PPP1R1C: variants seen among roughly 807,000 people sequenced by gnomAD.
PPP1R1C encodes protein phosphatase 1 regulatory subunit 1C.
A neutral mutation model predicts 17.4 loss-of-function variants in PPP1R1C; 15 were observed. The observed-to-expected ratio is 0.86, with a 90% CI of 0.58 to 1.33. The LOEUF (loss-of-function observed/expected upper bound fraction) is 1.33, where lower values mean the gene tolerates loss of function less well. Ranked by LOEUF, PPP1R1C falls within the 40% of genes most tolerant of loss-of-function variation. The pLI, the probability that PPP1R1C is intolerant of heterozygous loss-of-function variation, is 0.00. For missense variants in PPP1R1C, 143 were observed against 130.0 expected (o/e 1.10, Z -0.48); for synonymous variants, 35 against 43.1 (o/e 0.81, Z 0.73).
At chr2:182,116,259 A>G (rs1283093628) in intron 4 of PPP1R1C, among the ~76,000 whole-genome samples, 1 of 152,234 alleles carries the variant, frequency 6.6e-6, no homozygotes, top group Non-Finnish European at 1.5e-5. Flanking sequence ...CTGGGACTCC[A>G]AATTAAATTA....
At chr2:182,033,914 T>C (rs1226674521) in intron 2 of PPP1R1C, among the ~76,000 whole-genome samples, 3 of 152,354 alleles carry the variant, frequency 2.0e-5, no homozygotes, top group Admixed American at 2.0e-4. Context: ...TGTATCATTG[T>C]ATTCATGATA....
rs1685709394 is a variant in PPP1R1C at position 181,999,793 on chromosome 2, A to G, written c.142+11894A>G. Reference sequence around the variant, plus strand: ...ATAAGCTAAAAACAAAAAAAAAAAGATAACCAAATAGAAAAAAGTAAATAT... The same window carrying G: ...ATAAGCTAAAAACAAAAAAAAAAAGGTAACCAAATAGAAAAAAGTAAATAT... On this transcript the variant is annotated intron_variant, in intron 2 of 4. Transcript: ENST00000682840. Among the ~76,000 whole-genome samples, 11 of 151,912 alleles carry G rather than the reference A, an allele frequency of 7.2e-5. No individual in the cohort carries two copies. The South Asian group carries it at 2.3e-3, about 32-fold the overall frequency.
In PPP1R1C at chr2:181,976,805, G is replaced by A. The variant is rs1418229164; in HGVS notation, n.157+1541G>A. Among the ~76,000 whole-genome samples, 1 of 152,040 alleles carries A rather than the reference G, an allele frequency of 6.6e-6. No homozygotes were observed. The highest frequency in any genetic ancestry group is 2.4e-5 in the African/African-American group (1 of 41,390). ...ACTGTAAGGTCCCATGTTTGAAGGAGGCTTTCTTTTAACTGTCAAGGTGTT... is the reference window on the plus strand; with the variant it reads ...ACTGTAAGGTCCCATGTTTGAAGGAAGCTTTCTTTTAACTGTCAAGGTGTT... On this transcript the variant is annotated intron_variant and non_coding_transcript_variant, in intron 2 of 5. Coordinates refer to the PPP1R1C transcript ENST00000464264. This position sits in a 1 kb window ranked among gnomAD's most constrained non-coding sequence, Gnocchi z 4.8.
chr2:182,088,095 G>A (rs1688683035), intron 4 of PPP1R1C, among the ~76,000 whole-genome samples: 1 of 151,692 alleles, frequency 6.6e-6, no homozygotes, highest in Admixed American at 6.6e-5. Context: ...TAACTTTCAT[G>A]GAAGTTTCCC....
chr2:182,107,647 A>T (rs79627914), intron 4 of PPP1R1C, among the ~76,000 whole-genome samples: 5,102 of 152,162 alleles, frequency 0.034, 246 homozygotes, highest in Admixed American at 0.13. Context: ...ATGGGCACTT[A>T]GTACTTTCTG....
At position 182,099,982 on chromosome 2, in the gene PPP1R1C, C is replaced by A. The variant is rs568994759; in HGVS notation, c.242-17225C>A. On this transcript the variant is annotated intron_variant, in intron 4 of 4. Transcript: ENST00000682840. ...TTGTCCATAGGGAGACGATTAGAGA[C>A]TTAACAAAAAAAAAGTCCCAAACTT... Among the ~76,000 whole-genome samples the A allele has an allele frequency of 2.1e-3, 275 of 132,882 alleles. 1 individual carries two copies. The highest frequency in any genetic ancestry group is 4.1e-3 in the Non-Finnish European group (233 of 56,450). The allele number at this position is 132,882 out of a possible 152,430, so 87.2% of individuals were successfully genotyped here.
chr2:181,961,983 C>T lies in PPP1R1C; in HGVS notation n.111+7349C>T, dbSNP rs911480936. On this transcript the variant is annotated intron_variant and non_coding_transcript_variant, in intron 1 of 5. Transcript: ENST00000464264. This position sits in a 1 kb window ranked among gnomAD's most constrained non-coding sequence, Gnocchi z 5.8. ...ATGGCCAGCTCTGTCTCATACTTGACTCTAAAGTCATCGGCTGCAAGACAG... is the reference window on the plus strand; with the variant it reads ...ATGGCCAGCTCTGTCTCATACTTGATTCTAAAGTCATCGGCTGCAAGACAG... 1.5e-5 allele frequency: 11 copies of T among 734,310 alleles called. No homozygotes were observed. In the African/African-American group the frequency reaches 1.9e-4, roughly 13 times the overall value. 45.5% of individuals were successfully genotyped at this position (734,310 alleles called of 1,614,324 possible). A position where few individuals can be genotyped will look rare whatever the true frequency, so the allele number is the denominator to read the frequency against.
chr2:181,991,036 A>G (rs1408104227), intron 2 of PPP1R1C, among the ~76,000 whole-genome samples: 1 of 152,224 alleles, frequency 6.6e-6, no homozygotes, highest in Non-Finnish European at 1.5e-5. Context: ...TTATAGAAAC[A>G]TAAGTAATAA....
chr2:181,964,447 C>G (rs1472464404), intron 1 of PPP1R1C, among the ~76,000 whole-genome samples: 1 of 152,146 alleles, frequency 6.6e-6, no homozygotes, highest in East Asian at 1.9e-4. Flanking sequence ...TATATCTGTT[C>G]AATTTACTGA....
chr2:182,047,097 C>A (rs946076021), intron 2 of PPP1R1C, among the ~76,000 whole-genome samples: 1 of 152,184 alleles, frequency 6.6e-6, no homozygotes, highest in African/African-American at 2.4e-5. Context: ...TTCCTGTCAT[C>A]ATCATTCAAA....
At chr2:182,090,674 C>A (rs1688755943) in intron 4 of PPP1R1C, among the ~76,000 whole-genome samples, 1 of 152,106 alleles carries the variant, frequency 6.6e-6, no homozygotes, top group Non-Finnish European at 1.5e-5. Flanking sequence ...CAACGACATT[C>A]CAGCAATTTC....
chr2:182,064,713 T>TTGTTCATAAGAC (rs1687940384), intron 4 of PPP1R1C, among the ~76,000 whole-genome samples: 1 of 152,140 alleles, frequency 6.6e-6, no homozygotes, highest in Non-Finnish European at 1.5e-5. Flanking sequence ...CCATGTTTGC[T>TTGTTCATAAGAC]TGTTCATAAG....
intron 4 of PPP1R1C, among the ~76,000 whole-genome samples, chr2:182,110,290 ATAC>A (rs143228006): frequency 0.24 from 36,817 of 151,888 alleles, 4,981 homozygotes; most frequent in African/African-American, 0.37. Flanking sequence ...AAAATAAATA[ATAC>A]ATTGTTATAT....
intron 4 of PPP1R1C, among the ~76,000 whole-genome samples, chr2:182,102,709 A>C (rs921991713): frequency 6.6e-6 from 1 of 152,230 alleles, no homozygotes; most frequent in African/African-American, 2.4e-5. Context: ...AAATTTTGTA[A>C]CACAAAGATG....
At chr2:181,987,965 A>G in intron 2 of PPP1R1C, 66 bp downstream of exon 2, 1 of 1,333,234 alleles carries the variant, frequency 7.5e-7, no homozygotes, top group Admixed American at 2.1e-5. Flanking sequence ...ACATCAAAGT[A>G]CATGTCGTAC....
chr2:181,962,110 G>T lies in PPP1R1C; in HGVS notation n.111+7476G>T. 1.4e-6 allele frequency: 1 copy of T among 723,088 alleles called. No individual in the cohort carries two copies. Among genetic ancestry groups the T allele is most frequent in the South Asian group, 1.4e-5 (1 of 73,094 alleles). 44.8% of individuals were successfully genotyped at this position (723,088 alleles called of 1,614,324 possible). A position where few individuals can be genotyped will look rare whatever the true frequency, so the allele number is the denominator to read the frequency against. On this transcript the variant is annotated intron_variant and non_coding_transcript_variant, in intron 1 of 5. Transcript: ENST00000464264. The surrounding 1 kb of genome is among the most constrained non-coding windows in gnomAD (Gnocchi z 6.0). ...TCTTGAGGTAATGACTCCAGTCTCT[G>T]ACCTGGAGTCCCTTCTTCTCCAGGT...
chr2:182,053,056 C>CACAAA (rs1158270355), intron 2 of PPP1R1C, among the ~76,000 whole-genome samples: 1 of 152,172 alleles, frequency 6.6e-6, no homozygotes, highest in East Asian at 1.9e-4. Flanking sequence ...AGGCTTAGTA[C>CACAAA]ACAAAACAAA....
chr2:182,006,778 C>T (rs1482569487), intron 2 of PPP1R1C, among the ~76,000 whole-genome samples: 1 of 152,146 alleles, frequency 6.6e-6, no homozygotes, highest in African/African-American at 2.4e-5. Flanking sequence ...TATTACAAAA[C>T]AGCAAGAATC....
At chr2:182,125,155 A>T (rs2125242619) in intron 5 of PPP1R1C, among the ~76,000 whole-genome samples, 1 of 152,210 alleles carries the variant, frequency 6.6e-6, no homozygotes, top group South Asian at 2.1e-4. Flanking sequence ...TATTGAGATA[A>T]TTGTGTGCTT....
Sources: gnomAD v4.1 joint callset for allele counts (sites outside exome capture counted in the v4.1 genomes callset) on GRCh38, gnomAD v4.1.1 for gene constraint, Gnocchi (gnomAD v3.1) non-coding constraint, MANE v1.5 for transcripts, NCBI Gene and HGNC (gene_info 2026-07-23, HGNC 2026-07-21) for gene names.